GALNT14: variants seen among roughly 807,000 people sequenced by gnomAD.
The protein encoded by GALNT14 is polypeptide N-acetylgalactosaminyltransferase 14, also known as UDP-GalNAc:polypeptide N-acetylgalactosaminyltransferase 14.
In GALNT14, 60 loss-of-function variants were observed where a neutral mutation model predicts 77.5. The ratio of observed to expected loss-of-function variants is 0.77; its 90% confidence interval spans 0.63 to 0.96. The LOEUF (loss-of-function observed/expected upper bound fraction) is 0.96, where lower values mean the gene tolerates loss of function less well. GALNT14 is among the 40% of genes least tolerant of loss of function. GALNT14 has a pLI of 0.00. For synonymous variants in GALNT14, 280 were observed against 281.7 expected, an observed-to-expected ratio of 0.99 and a Z score of 0.06; for missense variants, 710 against 731.0, an observed-to-expected ratio of 0.97 and a Z score of 0.33.
At chr2:31,004,857 G>A (rs1390484607) in intron 1 of GALNT14, among the ~76,000 whole-genome samples, 1 of 152,194 alleles carries the variant, frequency 6.6e-6, no homozygotes, top group Non-Finnish European at 1.5e-5. Context: ...CTAGCCATAA[G>A]AAATAGCTAC....
At chr2:31,059,582 T>C (rs1674456294) in intron 1 of GALNT14, among the ~76,000 whole-genome samples, 1 of 152,116 alleles carries the variant, frequency 6.6e-6, no homozygotes, top group Non-Finnish European at 1.5e-5. Flanking sequence ...GGCACATGCC[T>C]TGAGTCCCAG....
the GALNT14 span, among the ~76,000 whole-genome samples, chr2:30,901,620 C>A: frequency 1.3e-5 from 2 of 149,902 alleles, no homozygotes; most frequent in East Asian, 3.9e-4. Context: ...ATATAAATTC[C>A]ATTTCCTTTA....
intron 1 of GALNT14, among the ~76,000 whole-genome samples, chr2:31,076,586 A>T (rs1675803157): frequency 6.6e-6 from 1 of 151,540 alleles, no homozygotes; most frequent in Non-Finnish European, 1.5e-5. Flanking sequence ...CAAACGCAAA[A>T]GGAGCACTAG....
intron 1 of GALNT14, among the ~76,000 whole-genome samples, chr2:31,010,762 C>A (rs1486358603): frequency 1.3e-5 from 2 of 152,214 alleles, no homozygotes; most frequent in Admixed American, 1.3e-4. Flanking sequence ...CTTACCCCTC[C>A]CCATCCCTCT....
intron 6 of GALNT14, among the ~76,000 whole-genome samples, chr2:30,947,026 C>T (rs1393017966): frequency 3.3e-5 from 5 of 152,170 alleles, no homozygotes; most frequent in Admixed American, 2.6e-4. Context: ...CCCCGCAGCA[C>T]TAAATGAAGA....
intron 2 of GALNT14, among the ~76,000 whole-genome samples, chr2:30,971,760 C>A (rs775928311): frequency 7.9e-5 from 12 of 152,118 alleles, no homozygotes; most frequent in African/African-American, 2.4e-4. Flanking sequence ...CAACACCCCC[C>A]ACCCTGCACC....
the GALNT14 span, among the ~76,000 whole-genome samples, chr2:30,896,391 G>A: frequency 6.6e-5 from 10 of 152,200 alleles, no homozygotes; most frequent in African/African-American, 2.2e-4. Flanking sequence ...CCTAGAACCA[G>A]AACCCAGAAC....
chr2:31,105,431 T>C (rs1677506878), intron 1 of GALNT14, among the ~76,000 whole-genome samples: 1 of 152,150 alleles, frequency 6.6e-6, no homozygotes, highest in South Asian at 2.1e-4. Flanking sequence ...CCCTGGTAAC[T>C]TGCAGTGTAG....
chr2:30,992,088 G>A (rs1669736462), intron 2 of GALNT14, among the ~76,000 whole-genome samples: 1 of 152,206 alleles, frequency 6.6e-6, no homozygotes, highest in Non-Finnish European at 1.5e-5. Flanking sequence ...GAGGCCAGGA[G>A]CCCGGGAGTG....
At chr2:31,006,976 T>C (rs1003274708) in intron 1 of GALNT14, among the ~76,000 whole-genome samples, 1 of 152,136 alleles carries the variant, frequency 6.6e-6, no homozygotes, top group African/African-American at 2.4e-5. Flanking sequence ...TAAGGTGACA[T>C]CAAGATACCC....
intron 1 of GALNT14, among the ~76,000 whole-genome samples, chr2:31,129,878 CAA>C (rs1434296557): frequency 6.6e-6 from 1 of 152,164 alleles, no homozygotes; most frequent in East Asian, 1.9e-4. Context: ...GAGAGCTCGT[CAA>C]GAGAGAGTGG....
intron 5 of GALNT14, 84 bp from the exon 6 acceptor site, chr2:30,955,823 C>G: frequency 6.2e-7 from 1 of 1,608,774 alleles, no homozygotes; most frequent in Non-Finnish European, 8.5e-7. Context: ...CCAGCATTCC[C>G]CACTGATCAC....
At chr2:30,958,280 A>G (rs554030646) in intron 4 of GALNT14, 117 bp downstream of exon 4, 42 of 820,914 alleles carry the variant, frequency 5.1e-5, no homozygotes, top group Non-Finnish European at 7.5e-5. Flanking sequence ...TTCCGTACCT[A>G]TTACAAACCT....
chr2:31,057,450 GTATA>G (rs150471338), intron 1 of GALNT14, among the ~76,000 whole-genome samples: 1 of 139,884 alleles, frequency 7.1e-6, no homozygotes. Flanking sequence ...GCTGTTGCAG[GTATA>G]TATATATATA....
At chr2:31,088,137 G>GA (rs1676547497) in intron 1 of GALNT14, among the ~76,000 whole-genome samples, 1 of 152,150 alleles carries the variant, frequency 6.6e-6, no homozygotes, top group Non-Finnish European at 1.5e-5. Context: ...CAAACTCAGA[G>GA]AAAAAAGAGG....
chr2:31,018,255 T>C (rs1432347588), intron 1 of GALNT14, among the ~76,000 whole-genome samples: 2 of 152,254 alleles, frequency 1.3e-5, no homozygotes, highest in South Asian at 2.1e-4. Flanking sequence ...ATGACTACCA[T>C]ATATCATTCA....
At chr2:31,046,837 C>T (rs1456597939) in intron 1 of GALNT14, among the ~76,000 whole-genome samples, 1 of 152,140 alleles carries the variant, frequency 6.6e-6, no homozygotes, top group African/African-American at 2.4e-5. Context: ...TTATATCACT[C>T]GTTTCAAGTT....
intron 1 of GALNT14, among the ~76,000 whole-genome samples, chr2:31,060,275 A>G (rs1028019937): frequency 1.3e-5 from 2 of 152,178 alleles, no homozygotes; most frequent in African/African-American, 4.8e-5. Context: ...ATCTCCACCC[A>G]AAAGGAACAA....
chr2:31,037,681 C>T (rs1324578720), intron 1 of GALNT14, among the ~76,000 whole-genome samples: 2 of 152,070 alleles, frequency 1.3e-5, no homozygotes, highest in Non-Finnish European at 2.9e-5. Flanking sequence ...GCTGCTGATG[C>T]TACTCCTGCT....
Sources: gnomAD v4.1 joint callset for allele counts (sites outside exome capture counted in the v4.1 genomes callset) on GRCh38, gnomAD v4.1.1 for gene constraint, MANE v1.5 for transcripts, NCBI Gene and HGNC (gene_info 2026-07-23, HGNC 2026-07-21) for gene names.